Variants in CDH12 observed in about 807,000 individuals in gnomAD.
CDH12 encodes the protein cadherin 12.
A neutral mutation model predicts 74.1 loss-of-function variants in CDH12; 41 were observed. The ratio of observed to expected loss-of-function variants is 0.55; its 90% CI spans 0.43 to 0.72. The LOEUF is 0.72. Among genes scored for constraint, CDH12 ranks in the 30% least tolerant of loss-of-function variants. The pLI, the probability that CDH12 is intolerant of heterozygous loss-of-function variation, is 0.00. For missense variants in CDH12, 945 were observed against 977.2 expected (o/e 0.97, Z 0.44); for synonymous variants, 399 against 355.0 (o/e 1.12, Z -1.39).
chr5:22,118,726 GCA>G (rs1208183569), intron 4 of CDH12, among the ~76,000 whole-genome samples: 2 of 151,962 alleles, frequency 1.3e-5, no homozygotes, highest in Non-Finnish European at 2.9e-5. Context: ...TCTCAATTAT[GCA>G]CAGACTTCCA....
intron 3 of CDH12, among the ~76,000 whole-genome samples, chr5:22,239,605 A>G (rs960987237): frequency 6.6e-6 from 1 of 152,190 alleles, no homozygotes; most frequent in African/African-American, 2.4e-5. Context: ...TAGATTAGAC[A>G]AATAGATGGA....
intron 1 of CDH12, among the ~76,000 whole-genome samples, chr5:22,769,358 C>T (rs906056039): frequency 1.3e-5 from 2 of 152,112 alleles, no homozygotes; most frequent in African/African-American, 4.8e-5. Context: ...GTGCTGGATG[C>T]TTCCTGCCCT....
At position 22,811,251 on chromosome 5, in the gene CDH12, G is replaced by A. The variant is rs992508056; in HGVS notation, c.-523+41807C>T. On this transcript the variant is annotated intron_variant, in intron 1 of 14. Transcript: ENST00000382254. ...ATCTGGATATAGAGAAGAGGAAAGCGAGGGCAATAGTCTTGGGATTTCACA... is the reference window on the plus strand; with the variant it reads ...ATCTGGATATAGAGAAGAGGAAAGCAAGGGCAATAGTCTTGGGATTTCACA... 4.6e-5 allele frequency among the ~76,000 whole-genome samples: 7 copies of A among 152,012 alleles called. No homozygotes were observed. In the East Asian group the frequency reaches 5.8e-4, roughly 13 times the overall value.
At chr5:22,219,133 A>C (rs532394617) in intron 3 of CDH12, among the ~76,000 whole-genome samples, 1 of 151,788 alleles carries the variant, frequency 6.6e-6, no homozygotes, top group South Asian at 2.1e-4. Flanking sequence ...CTTCTCCATA[A>C]TGTGTATGGA....
rs562869475 is a variant in CDH12, at chr5:22,033,516, T to C, written c.231+44930A>G. Among the ~76,000 whole-genome samples, 600 of 152,346 alleles carry C rather than the reference T, an allele frequency of 3.9e-3. 2 individuals are homozygous for C. Among genetic ancestry groups the C allele is most frequent in the Non-Finnish European group, 5.9e-3 (402 of 68,040 alleles). On this transcript the variant is annotated intron_variant, in intron 5 of 14. Coordinates refer to ENST00000382254, the MANE Select transcript of CDH12 (RefSeq NM_004061.5). ...TCATATTTCTGTGTTAGTTTTATAA[T>C]AGATTGTCTATAAACACCAATTTGA...
chr5:22,708,260 C>A (rs1333959010), intron 1 of CDH12, among the ~76,000 whole-genome samples: 7 of 152,150 alleles, frequency 4.6e-5, no homozygotes, highest in Non-Finnish European at 8.8e-5. Flanking sequence ...ATTGGAGATA[C>A]AAAGTTCGCT....
intron 2 of CDH12, among the ~76,000 whole-genome samples, chr5:22,411,957 C>A (rs111366300): frequency 2.0e-5 from 3 of 151,860 alleles, no homozygotes; most frequent in African/African-American, 7.2e-5. Context: ...TAAAGGCATT[C>A]CTCGTATTCA....
chr5:22,535,295 C>T (rs1246084905), intron 1 of CDH12, among the ~76,000 whole-genome samples: 12 of 151,918 alleles, frequency 7.9e-5, no homozygotes, highest in South Asian at 2.1e-4. Flanking sequence ...GCTGGGACTA[C>T]AGGCGCCCGC....
chr5:22,720,074 T>C (rs1209008806), intron 1 of CDH12, among the ~76,000 whole-genome samples: 1 of 151,696 alleles, frequency 6.6e-6, no homozygotes, highest in African/African-American at 2.4e-5. Context: ...GAAAACAGCA[T>C]AGAAAATATC....
At position 21,887,597 on chromosome 5, in the gene CDH12, T is replaced by A. The variant is rs145557092; in HGVS notation, c.527-32807A>T. Among the ~76,000 whole-genome samples the A allele has an allele frequency of 1.3e-4, 20 of 152,268 alleles. No homozygotes were observed. The East Asian group carries it at 3.9e-3, about 29-fold the overall frequency. On this transcript the variant is annotated intron_variant, in intron 6 of 14. Coordinates refer to ENST00000382254, the MANE Select transcript of CDH12 (RefSeq NM_004061.5). Reference sequence around the variant, plus strand: ...TTCAACAATGGAAAATCAGCTATCATTTTGCACTTACACTTCTTCCAATTG... The same window carrying A: ...TTCAACAATGGAAAATCAGCTATCAATTTGCACTTACACTTCTTCCAATTG...
chr5:22,105,964 C>A (rs1191606662), intron 4 of CDH12, among the ~76,000 whole-genome samples: 4 of 152,080 alleles, frequency 2.6e-5, no homozygotes, highest in Non-Finnish European at 5.9e-5. Context: ...ATATAGTTGT[C>A]AGATGTATTG....
chr5:22,836,160 A>G (rs1022564824), intron 1 of CDH12, among the ~76,000 whole-genome samples: 7 of 151,290 alleles, frequency 4.6e-5, no homozygotes, highest in Non-Finnish European at 1.0e-4. Context: ...CTAAAAAGAA[A>G]TAATTATGTG....
intron 8 of CDH12, among the ~76,000 whole-genome samples, chr5:21,834,988 T>C (rs1249006429): frequency 6.6e-6 from 1 of 151,970 alleles, no homozygotes; most frequent in African/African-American, 2.4e-5. Context: ...ATACTGGAGA[T>C]AGTGATAAGA....
At chr5:22,689,983 G>A (rs1368858420) in intron 1 of CDH12, among the ~76,000 whole-genome samples, 2 of 151,986 alleles carry the variant, frequency 1.3e-5, no homozygotes, top group Non-Finnish European at 2.9e-5. Flanking sequence ...CAGAGATGAT[G>A]GTATTTCACC....
chr5:22,672,627 C>A (rs1043271528), intron 1 of CDH12, among the ~76,000 whole-genome samples: 2 of 152,072 alleles, frequency 1.3e-5, no homozygotes, highest in African/African-American at 4.8e-5. Flanking sequence ...GAATTGTGAG[C>A]AAAATAGACT....
At chr5:22,588,912 AG>A (rs530868016) in intron 1 of CDH12, among the ~76,000 whole-genome samples, 54 of 152,264 alleles carry the variant, frequency 3.5e-4, no homozygotes, top group Non-Finnish European at 6.8e-4. Flanking sequence ...TTTCTTTGTA[AG>A]ATCACTCTTA....
intron 6 of CDH12, among the ~76,000 whole-genome samples, chr5:21,873,302 T>G (rs1438195055): frequency 6.6e-6 from 1 of 152,160 alleles, no homozygotes; most frequent in African/African-American, 2.4e-5. Flanking sequence ...TCTTCCCCCT[T>G]TTTTTCTGGC....
rs567743848 is a variant in CDH12 at position 21,866,310 on chromosome 5, T to C, written c.527-11520A>G. Among the ~76,000 whole-genome samples the C allele has an allele frequency of 2.6e-5, 4 of 152,144 alleles. No homozygotes were observed. The East Asian group carries it at 5.8e-4, about 22-fold the overall frequency. On this transcript the variant is annotated intron_variant, in intron 6 of 14. Coordinates refer to ENST00000382254, the MANE Select transcript of CDH12 (RefSeq NM_004061.5). ...TTTGGAACTGGGTAACAAACAGAAG[T>C]TGGAACAGATTGGAGGGCTCAGAAG...
At chr5:22,033,643 A>C in intron 5 of CDH12, among the ~76,000 whole-genome samples, 1 of 152,230 alleles carries the variant, frequency 6.6e-6, no homozygotes, top group East Asian at 1.9e-4. Context: ...AAAATAATTT[A>C]AAATTATGTC....
Sources: allele counts gnomAD v4.1 joint callset (sites outside exome capture counted in the v4.1 genomes callset), GRCh38; gene constraint gnomAD v4.1.1; transcripts MANE v1.5; gene names NCBI Gene and HGNC (gene_info 2026-07-23, HGNC 2026-07-21).